ELOVL6: variants seen among roughly 807,000 people sequenced by gnomAD.
ELOVL6 encodes very long chain fatty acid elongase 6.
Under a neutral mutation model 31.7 loss-of-function variants are expected in ELOVL6, and 8 were observed. The observed-to-expected ratio is 0.25, with a 90% CI of 0.15 to 0.45. ELOVL6 has a LOEUF of 0.45. Among genes scored for constraint, ELOVL6 ranks in the 20% least tolerant of loss-of-function variants. ELOVL6 has a pLI of 1.00. For synonymous variants in ELOVL6, 101 were observed against 117.7 expected, an observed-to-expected ratio of 0.86 and a Z score of 0.92; for missense variants, 126 against 326.4, an observed-to-expected ratio of 0.39 and a Z score of 4.73.
chr4:110,144,153 CA>C (rs1412314329), intron 1 of ELOVL6, among the ~76,000 whole-genome samples: 1 of 151,212 alleles, frequency 6.6e-6, no homozygotes, highest in Non-Finnish European at 1.5e-5. Context: ...ATCTGTCATA[CA>C]GGGGCATTCT....
intron 1 of ELOVL6, among the ~76,000 whole-genome samples, chr4:110,132,256 A>G (rs1757689700): frequency 6.6e-6 from 1 of 152,068 alleles, no homozygotes; most frequent in Non-Finnish European, 1.5e-5. Context: ...GGCAGATGGG[A>G]GGGGTATGAG....
At chr4:110,186,577 G>A (rs908574242) in intron 1 of ELOVL6, among the ~76,000 whole-genome samples, 6 of 151,668 alleles carry the variant, frequency 4.0e-5, no homozygotes, top group South Asian at 2.1e-4. Context: ...TTCAGGAGGC[G>A]GAGGTCACTT....
intron 1 of ELOVL6, among the ~76,000 whole-genome samples, chr4:110,177,858 T>G (rs1271242117): frequency 6.6e-6 from 1 of 152,232 alleles, no homozygotes; most frequent in African/African-American, 2.4e-5. Context: ...TTGGCATAAA[T>G]GTTCTTCACA....
chr4:110,186,820 AAAATATAT>A (rs1759458895), intron 1 of ELOVL6, among the ~76,000 whole-genome samples: 1 of 94,686 alleles, frequency 1.1e-5, no homozygotes, highest in Non-Finnish European at 2.2e-5. Context: ...AAAAAAAAAA[AAAATATAT>A]ATATATATAT....
chr4:110,191,021 T>A (rs10009078), intron 1 of ELOVL6, among the ~76,000 whole-genome samples: 2 of 149,128 alleles, frequency 1.3e-5, no homozygotes, highest in Non-Finnish European at 3.0e-5. Context: ...GTTTCGCCAC[T>A]TTGACCAGGC....
intron 2 of ELOVL6, among the ~76,000 whole-genome samples, chr4:110,092,346 G>A (rs1396406278): frequency 6.6e-6 from 1 of 152,170 alleles, no homozygotes; most frequent in Non-Finnish European, 1.5e-5. Flanking sequence ...CAAGGCCGAG[G>A]TCATAAGAGG....
chr4:110,110,710 G>A (rs529248373), intron 1 of ELOVL6, among the ~76,000 whole-genome samples: 39 of 152,114 alleles, frequency 2.6e-4, no homozygotes, highest in East Asian at 1.6e-3. Flanking sequence ...GGTTTTATTC[G>A]TAAGTAAATT....
At chr4:110,193,295 A>T (rs1241069755) in intron 1 of ELOVL6, among the ~76,000 whole-genome samples, 3 of 152,212 alleles carry the variant, frequency 2.0e-5, no homozygotes, top group Non-Finnish European at 4.4e-5. Context: ...AAAGATATAG[A>T]TGTACAACTC....
At chr4:110,178,764 G>A (rs867094783) in intron 1 of ELOVL6, among the ~76,000 whole-genome samples, 16 of 152,204 alleles carry the variant, frequency 1.1e-4, no homozygotes, top group South Asian at 6.2e-4. Context: ...TGAGGCTGGA[G>A]AATCACTTGA....
At chr4:110,196,071 G>C (rs527358615) in intron 1 of ELOVL6, among the ~76,000 whole-genome samples, 2 of 152,330 alleles carry the variant, frequency 1.3e-5, no homozygotes, top group East Asian at 3.9e-4. Flanking sequence ...ATGGAGAGAA[G>C]AGGCGGGAAA....
Position 110,160,818 on chromosome 4 carries a change from G to C in ELOVL6, c.89+37429C>G, listed in dbSNP as rs554941021. ...AGATATGATCATGCAACAAATAAAA[G>C]GGTTGGGAAACAGCTAAACAGAGAG... On this transcript the variant is annotated intron_variant, in intron 1 of 3. Transcript: ENST00000302274. 4.7e-3 allele frequency among the ~76,000 whole-genome samples: 714 copies of C among 152,280 alleles called. 2 individuals are homozygous for C. The highest frequency in any genetic ancestry group is 7.3e-3 in the Non-Finnish European group (494 of 68,020).
intron 1 of ELOVL6, among the ~76,000 whole-genome samples, chr4:110,150,272 C>G (rs149078915): frequency 2.0e-5 from 3 of 152,250 alleles, no homozygotes; most frequent in Non-Finnish European, 4.4e-5. Flanking sequence ...TCCACAAATT[C>G]ATTATACTCA....
intron 2 of ELOVL6, among the ~76,000 whole-genome samples, chr4:110,072,145 A>G (rs566298299): frequency 2.0e-5 from 3 of 152,178 alleles, no homozygotes; most frequent in Non-Finnish European, 4.4e-5. Context: ...CAGAACATTG[A>G]GTCTGCCAGC....
At chr4:110,087,978 C>A (rs1252464630) in intron 2 of ELOVL6, among the ~76,000 whole-genome samples, 1 of 152,082 alleles carries the variant, frequency 6.6e-6, no homozygotes, top group Non-Finnish European at 1.5e-5. Context: ...GTGAAGGTTA[C>A]AAATACGTGG....
At chr4:110,099,943 C>A (rs1756692898) in intron 2 of ELOVL6, among the ~76,000 whole-genome samples, 1 of 152,188 alleles carries the variant, frequency 6.6e-6, no homozygotes. Context: ...AATCTAACTT[C>A]TTTGCCACCA....
chr4:110,045,870 AT>A lies in ELOVL6; in HGVS notation c.*5467del, dbSNP rs1356404466. Reference sequence around the variant, plus strand: ...GTTTGATTTTAAATCAAAAGTTATGATTTTATTTTTAATTTTAATACACCAG... The same window carrying A: ...GTTTGATTTTAAATCAAAAGTTATGATTTATTTTTAATTTTAATACACCAG... On this transcript the variant is annotated 3_prime_UTR_variant, in exon 4 of 4. Coordinates refer to ENST00000302274, the MANE Select transcript of ELOVL6 (RefSeq NM_024090.3). 1 of 152,148 alleles carries A rather than the reference AT, an allele frequency of 6.6e-6. No homozygotes were observed. The highest frequency in any genetic ancestry group is 1.5e-5 in the Non-Finnish European group (1 of 68,024). 9.4% of individuals were successfully genotyped at this position (152,148 alleles called of 1,614,324 possible).
At chr4:110,165,310 G>C (rs920088880) in intron 1 of ELOVL6, among the ~76,000 whole-genome samples, 3 of 152,118 alleles carry the variant, frequency 2.0e-5, no homozygotes, top group African/African-American at 7.2e-5. Context: ...TTTACAGGAG[G>C]CCCTTCCACC....
chr4:110,100,565 G>T (rs925845796), intron 2 of ELOVL6, among the ~76,000 whole-genome samples: 1 of 152,104 alleles, frequency 6.6e-6, no homozygotes, highest in Non-Finnish European at 1.5e-5. Flanking sequence ...ACAGTGTATG[G>T]CATCTGGAAA....
At chr4:110,190,169 A>G (rs1295180015) in intron 1 of ELOVL6, among the ~76,000 whole-genome samples, 1 of 152,202 alleles carries the variant, frequency 6.6e-6, no homozygotes, top group African/African-American at 2.4e-5. Context: ...TTTTCTAGCA[A>G]AACTACTTAC....
Sources: allele counts gnomAD v4.1 joint callset (sites outside exome capture counted in the v4.1 genomes callset), GRCh38; gene constraint gnomAD v4.1.1; transcripts MANE v1.5; gene names NCBI Gene and HGNC (gene_info 2026-07-23, HGNC 2026-07-21).